Variants in GPC5 observed in about 807,000 individuals in gnomAD.
The protein encoded by GPC5 is glypican 5.
GPC5 carries 47 observed loss-of-function variants against 53.9 expected under a neutral mutation model. The ratio of observed to expected loss-of-function variants is 0.87; its 90% CI spans 0.69 to 1.11. GPC5 has a LOEUF of 1.11. GPC5 is among the 50% of genes most tolerant of loss of function. GPC5 has a pLI of 0.00. For missense variants in GPC5, 748 were observed against 713.1 expected (o/e 1.05, Z -0.56); for synonymous variants, 286 against 263.3 (o/e 1.09, Z -0.84).
chr13:91,837,094 T>C (rs918279313), intron 5 of GPC5, among the ~76,000 whole-genome samples: 7 of 150,622 alleles, frequency 4.6e-5, no homozygotes, highest in African/African-American at 7.3e-5. Flanking sequence ...TTTAAATATA[T>C]AAGAGAAATA....
chr13:91,966,776 C>G (rs1266929368), intron 6 of GPC5, among the ~76,000 whole-genome samples: 4 of 152,126 alleles, frequency 2.6e-5, no homozygotes, highest in African/African-American at 9.7e-5. Context: ...CACTTAAAAA[C>G]TGACACTGAT....
At chr13:91,986,887 G>T (rs555730351) in intron 6 of GPC5, among the ~76,000 whole-genome samples, 1 of 141,194 alleles carries the variant, frequency 7.1e-6, no homozygotes, top group African/African-American at 2.5e-5. Flanking sequence ...TGAAGCCTCT[G>T]CTTTGCCAAT....
chr13:91,560,679 C>T (rs1364841884), intron 2 of GPC5, among the ~76,000 whole-genome samples: 1 of 152,040 alleles, frequency 6.6e-6, no homozygotes, highest in Non-Finnish European at 1.5e-5. Flanking sequence ...TGTAAACATT[C>T]CCACAAAGAA....
At chr13:91,981,142 T>C (rs2040353920) in intron 6 of GPC5, among the ~76,000 whole-genome samples, 1 of 152,172 alleles carries the variant, frequency 6.6e-6, no homozygotes, top group Middle Eastern at 3.2e-3. Context: ...CGTATGTTCA[T>C]GTTTGGGAGA....
chr13:92,601,554 CAAAAAAA>C (rs57333686), intron 7 of GPC5, among the ~76,000 whole-genome samples: 2 of 67,402 alleles, frequency 3.0e-5, no homozygotes, highest in African/African-American at 4.3e-5. Context: ...GACTCCATCT[CAAAAAAA>C]AAAAAAAAAA....
chr13:92,100,698 T>C (rs1323494037), intron 6 of GPC5, among the ~76,000 whole-genome samples: 1 of 152,238 alleles, frequency 6.6e-6, no homozygotes, highest in African/African-American at 2.4e-5. Context: ...AAGGATATTG[T>C]AGTCCACTGT....
chr13:91,582,183 T>C (rs79460736), intron 2 of GPC5, among the ~76,000 whole-genome samples: 11 of 152,310 alleles, frequency 7.2e-5, no homozygotes, highest in Non-Finnish European at 1.6e-4. Context: ...TCCAAAGATC[T>C]TGTCCTTAGG....
intron 2 of GPC5, among the ~76,000 whole-genome samples, chr13:91,622,547 T>A (rs541338056): frequency 6.6e-6 from 1 of 152,154 alleles, no homozygotes; most frequent in Non-Finnish European, 1.5e-5. Flanking sequence ...AGTTTACATA[T>A]GAATTGAAGA....
chr13:92,785,674 T>C (rs1876203103), intron 7 of GPC5, among the ~76,000 whole-genome samples: 1 of 152,182 alleles, frequency 6.6e-6, no homozygotes, highest in African/African-American at 2.4e-5. Context: ...GCTTAGTCTA[T>C]GAAAAGGTGC....
At chr13:92,416,358 A>G (rs1876289075) in intron 7 of GPC5, among the ~76,000 whole-genome samples, 1 of 152,194 alleles carries the variant, frequency 6.6e-6, no homozygotes, top group Non-Finnish European at 1.5e-5. Context: ...GCATGTTAGC[A>G]TGTTAGAATG....
intron 7 of GPC5, among the ~76,000 whole-genome samples, chr13:92,791,292 T>C (rs1876451739): frequency 6.6e-6 from 1 of 152,046 alleles, no homozygotes; most frequent in African/African-American, 2.4e-5. Flanking sequence ...AAAATTTAGC[T>C]GGGTCAAGGA....
At chr13:91,988,698 G>T (rs559763382) in intron 6 of GPC5, among the ~76,000 whole-genome samples, 3 of 152,188 alleles carry the variant, frequency 2.0e-5, no homozygotes, top group African/African-American at 7.2e-5. Flanking sequence ...TGTATTATGG[G>T]GAAATAAACC....
intron 5 of GPC5, among the ~76,000 whole-genome samples, chr13:91,862,783 G>A (rs1360781157): frequency 6.6e-6 from 1 of 151,918 alleles, no homozygotes; most frequent in African/African-American, 2.4e-5. Flanking sequence ...TTCACCAATA[G>A]TCCCAATAAT....
chr13:92,362,219 G>A (rs1054527650), intron 7 of GPC5, among the ~76,000 whole-genome samples: 39 of 151,592 alleles, frequency 2.6e-4, no homozygotes, highest in Non-Finnish European at 5.1e-4. Flanking sequence ...CATCCATTTT[G>A]CAGTGTTTTC....
chr13:91,504,604 T>G (rs972725830), intron 2 of GPC5, among the ~76,000 whole-genome samples: 12 of 152,098 alleles, frequency 7.9e-5, no homozygotes, highest in Admixed American at 3.9e-4. Context: ...AATAAATACG[T>G]AACCTTAGGA....
intron 5 of GPC5, among the ~76,000 whole-genome samples, chr13:91,837,939 A>C (rs989764164): frequency 1.1e-4 from 16 of 152,112 alleles, no homozygotes; most frequent in African/African-American, 3.9e-4. Flanking sequence ...AAATCCAGAA[A>C]GCTGAAGATG....
At chr13:91,672,289 G>A (rs1184218321) in intron 2 of GPC5, among the ~76,000 whole-genome samples, 5 of 152,186 alleles carry the variant, frequency 3.3e-5, no homozygotes, top group African/African-American at 1.2e-4. Context: ...ACTATCATCA[G>A]AGTGAACAGG....
At chr13:91,659,650 C>T (rs149026160) in intron 2 of GPC5, among the ~76,000 whole-genome samples, 1 of 152,168 alleles carries the variant, frequency 6.6e-6, no homozygotes, top group Non-Finnish European at 1.5e-5. Flanking sequence ...GAAATTTATA[C>T]TTAAGATCCA....
At chr13:91,417,028 T>C (rs188758248) in intron 1 of GPC5, among the ~76,000 whole-genome samples, 2 of 152,288 alleles carry the variant, frequency 1.3e-5, no homozygotes, top group East Asian at 3.9e-4. Flanking sequence ...CAGAGGCACT[T>C]CTTGAAAAAG....
Sources: allele counts gnomAD v4.1 joint callset (sites outside exome capture counted in the v4.1 genomes callset), GRCh38; gene constraint gnomAD v4.1.1; transcripts MANE v1.5; gene names NCBI Gene and HGNC (gene_info 2026-07-23, HGNC 2026-07-21).